The following GALNT13 variants were observed in gnomAD, a reference collection of about 807,000 sequenced individuals.
GALNT13 encodes the protein UDP-GalNAc:polypeptide N-acetylgalactosaminyltransferase 13.
GALNT13 carries 28 observed loss-of-function variants against 64.2 expected under a neutral mutation model. That is an observed-to-expected ratio of 0.44 (90% CI 0.32 to 0.60). The LOEUF is 0.60. Among genes scored for constraint, GALNT13 ranks in the 20% least tolerant of loss-of-function variants. GALNT13 has a pLI of 0.05. For synonymous variants in GALNT13, 214 were observed against 224.6 expected (o/e 0.95, Z 0.42); for missense variants, 577 against 669.8 (o/e 0.86, Z 1.53).
intron 9 of GALNT13, among the ~76,000 whole-genome samples, chr2:154,359,664 A>G (rs1696951092): frequency 6.6e-6 from 1 of 152,122 alleles, no homozygotes. Flanking sequence ...ATGGCCTTGT[A>G]CATGTTACTA....
At chr2:153,185,450 A>G in the GALNT13 span, among the ~76,000 whole-genome samples, 63,861 of 151,738 alleles carry the variant, frequency 0.42, 14,028 homozygotes, top group East Asian at 0.73. Flanking sequence ...TCATGTCTCT[A>G]TCTCCTTCAG....
the GALNT13 span, among the ~76,000 whole-genome samples, chr2:153,181,895 CATAATT>C: frequency 1.4e-5 from 2 of 146,090 alleles, no homozygotes; most frequent in Non-Finnish European, 3.0e-5. Flanking sequence ...TTTATATAGT[CATAATT>C]ATAAATGATT....
chr2:153,987,147 G>C (rs1345588666), intron 3 of GALNT13, among the ~76,000 whole-genome samples: 1 of 151,884 alleles, frequency 6.6e-6, no homozygotes, highest in East Asian at 1.9e-4. Context: ...TGGATCTAAA[G>C]GATAAAGGAG....
the GALNT13 span, among the ~76,000 whole-genome samples, chr2:153,320,569 A>T: frequency 6.6e-6 from 1 of 152,166 alleles, no homozygotes; most frequent in African/African-American, 2.4e-5. Context: ...ATATTTTGAG[A>T]AACATTTGCT....
At chr2:153,530,543 C>T in the GALNT13 span, among the ~76,000 whole-genome samples, 2 of 152,042 alleles carry the variant, frequency 1.3e-5, no homozygotes, top group Admixed American at 1.3e-4. Context: ...TATGAAATCA[C>T]AAAGACTCAG....
intron 8 of GALNT13, among the ~76,000 whole-genome samples, chr2:154,291,618 CA>C (rs1559071463): frequency 6.6e-6 from 1 of 152,200 alleles, no homozygotes. Flanking sequence ...AACCCATGCC[CA>C]CCCAGAACCC....
At chr2:153,667,160 A>G in the GALNT13 span, among the ~76,000 whole-genome samples, 4 of 152,196 alleles carry the variant, frequency 2.6e-5, no homozygotes, top group Non-Finnish European at 4.4e-5. Flanking sequence ...CCTACAACTC[A>G]TTGGCAACCC....
the GALNT13 span, among the ~76,000 whole-genome samples, chr2:153,459,603 AAATCCTATGAAGCTTT>A: frequency 2.0e-5 from 3 of 152,218 alleles, no homozygotes; most frequent in Admixed American, 2.0e-4. Flanking sequence ...TGAAATAACA[AAATCCTATGAAGCTTT>A]AATCTAAAAC....
At chr2:153,482,617 GCA>G in the GALNT13 span, among the ~76,000 whole-genome samples, 1 of 152,108 alleles carries the variant, frequency 6.6e-6, no homozygotes, top group Non-Finnish European at 1.5e-5. Context: ...TTACAGACAT[GCA>G]CCACCACACC....
chr2:153,470,568 A>G, the GALNT13 span, among the ~76,000 whole-genome samples: 1 of 151,826 alleles, frequency 6.6e-6, no homozygotes, highest in African/African-American at 2.4e-5. Context: ...AGATTTTCTG[A>G]GAGATGGAGA....
At chr2:154,382,719 A>G (rs571276347) in intron 9 of GALNT13, among the ~76,000 whole-genome samples, 1 of 152,058 alleles carries the variant, frequency 6.6e-6, no homozygotes, top group Non-Finnish European at 1.5e-5. Context: ...AAATTGGTTG[A>G]CAGTTGAGGC....
the GALNT13 span, among the ~76,000 whole-genome samples, chr2:153,782,280 A>G: frequency 6.6e-6 from 1 of 152,156 alleles, no homozygotes; most frequent in South Asian, 2.1e-4. Flanking sequence ...CATTTTACAC[A>G]AGCTAGATCA....
the GALNT13 span, among the ~76,000 whole-genome samples, chr2:153,432,314 C>G: frequency 6.6e-6 from 1 of 152,088 alleles, no homozygotes; most frequent in African/African-American, 2.4e-5. Context: ...CTGTTACCAC[C>G]AGTGGATTTT....
At chr2:153,378,298 AG>A in the GALNT13 span, among the ~76,000 whole-genome samples, 761 of 115,820 alleles carry the variant, frequency 6.6e-3, 4 homozygotes, top group African/African-American at 0.02. Flanking sequence ...ATAGATAGAT[AG>A]ATAGATAGAT....
At chr2:154,054,688 T>C (rs2105354033) in intron 3 of GALNT13, among the ~76,000 whole-genome samples, 1 of 152,068 alleles carries the variant, frequency 6.6e-6, no homozygotes, top group South Asian at 2.1e-4. Flanking sequence ...GGAGGGAGGG[T>C]ACTTCATAAT....
intron 4 of GALNT13, among the ~76,000 whole-genome samples, chr2:154,150,500 A>G (rs202067435): frequency 2.7e-5 from 4 of 150,270 alleles, no homozygotes; most frequent in South Asian, 2.1e-4. Flanking sequence ...TTTCAGAAGG[A>G]ATGGTACCAG....
the GALNT13 span, among the ~76,000 whole-genome samples, chr2:153,256,877 A>T: frequency 6.6e-6 from 1 of 152,174 alleles, no homozygotes; most frequent in African/African-American, 2.4e-5. Flanking sequence ...GGGACATTTA[A>T]GTCTGCAGAG....
the GALNT13 span, among the ~76,000 whole-genome samples, chr2:153,461,878 G>T: frequency 2.6e-5 from 4 of 152,138 alleles, no homozygotes; most frequent in African/African-American, 4.8e-5. Context: ...ACTTAACTCT[G>T]AGGAAGAAGG....
At chr2:153,649,381 G>T in the GALNT13 span, among the ~76,000 whole-genome samples, 3 of 151,602 alleles carry the variant, frequency 2.0e-5, no homozygotes, top group Non-Finnish European at 4.4e-5. Context: ...TTTGCTAGCG[G>T]TCTATCAATT....
Sources: gnomAD v4.1 joint callset for allele counts (sites outside exome capture counted in the v4.1 genomes callset) on GRCh38, gnomAD v4.1.1 for gene constraint, MANE v1.5 for transcripts, NCBI Gene and HGNC (gene_info 2026-07-23, HGNC 2026-07-21) for gene names.